ZBTB20: variants seen among roughly 807,000 people sequenced by gnomAD.
The protein encoded by ZBTB20 is zinc finger and BTB domain-containing protein 20.
ZBTB20 carries 9 observed loss-of-function variants against 56.9 expected under a neutral mutation model. The observed-to-expected ratio is 0.16, with a 90% CI of 0.10 to 0.28. ZBTB20 has a LOEUF of 0.28. ZBTB20 is among the 10% of genes least tolerant of loss of function. The pLI, the probability that ZBTB20 is intolerant of heterozygous loss-of-function variation, is 1.00. For missense variants in ZBTB20, 655 were observed against 1,003.0 expected (o/e 0.65, Z 4.69); for synonymous variants, 417 against 420.7 (o/e 0.99, Z 0.11).
intron 2 of ZBTB20, among the ~76,000 whole-genome samples, chr3:115,055,013 T>C (rs965091943): frequency 2.0e-5 from 3 of 152,096 alleles, no homozygotes; most frequent in African/African-American, 7.2e-5. Context: ...AGTCCATGCT[T>C]TCCTGACAAC....
chr3:115,012,083 C>T (rs1287563242), intron 2 of ZBTB20, among the ~76,000 whole-genome samples: 1 of 151,146 alleles, frequency 6.6e-6, no homozygotes, highest in Admixed American at 6.6e-5. Context: ...AAGTAAAAAG[C>T]AAGAAATTAA....
Position 114,607,271 on chromosome 3 carries a change from A to AATAACTAG in ZBTB20, c.-295+86249_-295+86256dup, listed in dbSNP as rs372338095. 5.4e-3 allele frequency among the ~76,000 whole-genome samples: 815 copies of AATAACTAG among 151,386 alleles called. 4 individuals are homozygous for AATAACTAG. Among genetic ancestry groups the AATAACTAG allele is most frequent in the Non-Finnish European group, 9.8e-3 (666 of 67,930 alleles). On this transcript the variant is annotated intron_variant, in intron 6 of 11. Coordinates refer to ENST00000675478, the MANE Select transcript of ZBTB20 (RefSeq NM_001348800.3). The stretch of plus-strand genomic sequence containing the variant: ...TCATTTCTATGGATTTAAAAGTGTT[A>AATAACTAG]ATAACTAGAAAAAGCATAAAACTGT...
intron 3 of ZBTB20, among the ~76,000 whole-genome samples, chr3:114,929,252 G>A: frequency 6.6e-6 from 1 of 152,160 alleles, no homozygotes. Flanking sequence ...ACTACTACAT[G>A]GTTAAGAGAG....
chr3:114,721,149 C>T (rs1417288279), intron 5 of ZBTB20, among the ~76,000 whole-genome samples: 3 of 152,056 alleles, frequency 2.0e-5, no homozygotes, highest in Non-Finnish European at 2.9e-5. Context: ...GAATGCGAAA[C>T]GGGGTCCTTG....
intron 10 of ZBTB20, 42 bp downstream of exon 10, chr3:114,380,175 C>G (rs145902566): frequency 6.7e-7 from 1 of 1,492,642 alleles, no homozygotes; most frequent in East Asian, 2.5e-5. Context: ...AAGCACTACT[C>G]CAAGCACTGC....
chr3:114,813,640 A>G (rs935029693), intron 4 of ZBTB20, among the ~76,000 whole-genome samples: 2 of 152,208 alleles, frequency 1.3e-5, no homozygotes, highest in African/African-American at 4.8e-5. Flanking sequence ...AGTCCCAGCT[A>G]CTTGGGAGGC....
intron 5 of ZBTB20, among the ~76,000 whole-genome samples, chr3:114,696,439 A>T (rs973931359): frequency 7.2e-5 from 11 of 151,970 alleles, no homozygotes; most frequent in African/African-American, 2.7e-4. Context: ...ATTAAAAACA[A>T]TCAAAACTAC....
intron 7 of ZBTB20, among the ~76,000 whole-genome samples, chr3:114,419,953 C>T (rs1211627039): frequency 6.6e-6 from 1 of 152,108 alleles, no homozygotes; most frequent in Non-Finnish European, 1.5e-5. Flanking sequence ...GCCCAGATCG[C>T]TCTCTGAGTT....
chr3:115,144,751 G>A (rs978613780), intron 1 of ZBTB20: 13 of 152,088 alleles, frequency 8.5e-5, no homozygotes, highest in African/African-American at 2.9e-4. Context: ...TCCTGGAAAT[G>A]GATAAAATTT....
At chr3:114,429,194 G>A (rs145162168) in intron 7 of ZBTB20, among the ~76,000 whole-genome samples, 1 of 152,104 alleles carries the variant, frequency 6.6e-6, no homozygotes, top group African/African-American at 2.4e-5. Context: ...AAAAAAGTAC[G>A]ATTAGACATA....
intron 3 of ZBTB20, among the ~76,000 whole-genome samples, chr3:114,903,444 G>A (rs551354943): frequency 1.4e-4 from 21 of 152,142 alleles, no homozygotes; most frequent in Non-Finnish European, 2.9e-4. Flanking sequence ...GGAGTAAGGA[G>A]ATAAAGAAGG....
At chr3:114,870,182 T>C (rs1267290941) in intron 4 of ZBTB20, among the ~76,000 whole-genome samples, 1 of 152,128 alleles carries the variant, frequency 6.6e-6, no homozygotes, top group African/African-American at 2.4e-5. Context: ...ACATTTCTTA[T>C]GGGGATCTTG....
intron 10 of ZBTB20, among the ~76,000 whole-genome samples, chr3:114,370,546 A>T (rs553675841): frequency 2.7e-4 from 41 of 152,082 alleles, no homozygotes; most frequent in African/African-American, 9.4e-4. Flanking sequence ...TATCCCTTAG[A>T]ACTCTCTTTT....
chr3:114,433,860 AGAAAG>A (rs2090313313), intron 7 of ZBTB20, among the ~76,000 whole-genome samples: 1 of 152,202 alleles, frequency 6.6e-6, no homozygotes, highest in South Asian at 2.1e-4. Context: ...CTCAATGCAC[AGAAAG>A]GAAGGATCTG....
At chr3:114,614,264 T>C (rs902437525) in intron 6 of ZBTB20, among the ~76,000 whole-genome samples, 1 of 152,254 alleles carries the variant, frequency 6.6e-6, no homozygotes, top group African/African-American at 2.4e-5. Flanking sequence ...TGGTATATTA[T>C]ATTGTTTAGA....
chr3:114,434,538 T>TG lies in ZBTB20; in HGVS notation c.-254-45434dup, dbSNP rs1028671747. Among the ~76,000 whole-genome samples, 73 of 57,484 alleles carry TG rather than the reference T, an allele frequency of 1.3e-3. No homozygotes were observed. In the South Asian group the frequency reaches 0.055, roughly 43 times the overall value. The allele number at this position is 57,484 out of a possible 152,430, so 37.7% of individuals were successfully genotyped here. A position where few individuals can be genotyped will look rare whatever the true frequency, so the allele number is the denominator to read the frequency against. ...CTCATGAAGAGTAGCCTTCTGCAATTGGGGTGTGTGTGTGTGTGTTTGTGT... is the reference window on the plus strand; with the variant it reads ...CTCATGAAGAGTAGCCTTCTGCAATTGGGGGTGTGTGTGTGTGTGTTTGTGT... On this transcript the variant is annotated intron_variant, in intron 7 of 11. Coordinates refer to ENST00000675478, the MANE Select transcript of ZBTB20 (RefSeq NM_001348800.3).
chr3:114,639,701 G>T (rs1029211635), intron 6 of ZBTB20, among the ~76,000 whole-genome samples: 8 of 151,956 alleles, frequency 5.3e-5, no homozygotes, highest in African/African-American at 1.9e-4. Flanking sequence ...TTTAGCAATA[G>T]TTGGCAATAA....
chr3:114,995,641 A>G (rs1031736783), intron 2 of ZBTB20, among the ~76,000 whole-genome samples: 8 of 151,884 alleles, frequency 5.3e-5, no homozygotes, highest in African/African-American at 1.9e-4. Context: ...CACTTCTTCA[A>G]AATATACTTA....
In ZBTB20 at chr3:114,316,510, A is replaced by G; in HGVS notation, c.*22495T>C. The G allele has an allele frequency of 1.9e-6, 1 of 530,666 alleles. No homozygotes were observed. Among genetic ancestry groups the G allele is most frequent in the Non-Finnish European group, 3.9e-6 (1 of 258,628 alleles). The allele number at this position is 530,666 out of a possible 1,614,324, so 32.9% of individuals were successfully genotyped here. A position where few individuals can be genotyped will look rare whatever the true frequency, so the allele number is the denominator to read the frequency against. On this transcript the variant is annotated 3_prime_UTR_variant, in exon 12 of 12. Coordinates refer to ENST00000675478, the MANE Select transcript of ZBTB20 (RefSeq NM_001348800.3). ...CCTATACATGTATAATATATACACT[A>G]TATATATGTGGATACATATAGGAAG...
Sources: gnomAD v4.1 joint callset for allele counts (sites outside exome capture counted in the v4.1 genomes callset) on GRCh38, gnomAD v4.1.1 for gene constraint, MANE v1.5 for transcripts, NCBI Gene and HGNC (gene_info 2026-07-23, HGNC 2026-07-21) for gene names.